The following NRP2 variants were observed in gnomAD, a reference collection of about 807,000 sequenced individuals.
NRP2 encodes the protein neuropilin 2.
A neutral mutation model predicts 110.4 loss-of-function variants in NRP2; 52 were observed. The observed-to-expected ratio is 0.47, with a 90% CI of 0.38 to 0.59. NRP2 has a LOEUF of 0.59. Ranked by LOEUF, NRP2 falls within the 20% of genes least tolerant of loss-of-function variation. The pLI, the probability that NRP2 is intolerant of heterozygous loss-of-function variation, is 0.00. For missense variants in NRP2, 1,049 were observed against 1,203.0 expected (o/e 0.87, Z 1.89); for synonymous variants, 508 against 468.9 (o/e 1.08, Z -1.08).
intron 12 of NRP2, among the ~76,000 whole-genome samples, chr2:205,753,656 T>C (rs1009064572): frequency 2.0e-5 from 3 of 152,254 alleles, no homozygotes; most frequent in Non-Finnish European, 4.4e-5. Flanking sequence ...TTGTCTGCTA[T>C]CTCTGCTGTT....
At chr2:205,708,129 A>G (rs1397625619) in intron 2 of NRP2, among the ~76,000 whole-genome samples, 2 of 152,236 alleles carry the variant, frequency 1.3e-5, no homozygotes, top group African/African-American at 2.4e-5. Flanking sequence ...CTCTGGTATC[A>G]TTCCAGAATG....
At chr2:205,775,204 C>T (rs1177600700) in intron 15 of NRP2, among the ~76,000 whole-genome samples, 1 of 152,134 alleles carries the variant, frequency 6.6e-6, no homozygotes, top group African/African-American at 2.4e-5. Context: ...AGCTCAAAAG[C>T]TCCTAGTCCC....
At position 205,697,612 on chromosome 2, in the gene NRP2, G is replaced by C. The variant is rs781131483; in HGVS notation, c.142G>C (p.Asp48His). 1.9e-6 allele frequency: 3 copies of C among 1,613,754 alleles called. No homozygotes were observed. The highest frequency in any genetic ancestry group is 2.5e-6 in the Non-Finnish European group (3 of 1,179,972). The change falls in exon 2 of 17, where the codon GAC becomes CAC. Residue 48 changes from aspartate to histidine, a missense_variant. Physicochemically the swap from Asp to His is moderately conservative, Grantham distance 81 (BLOSUM62 -1). Coordinates refer to ENST00000357785, the MANE Select transcript of NRP2 (RefSeq NM_003872.3). ...GYITSPGYPQDYPSHQNCEWI... is the reference protein window; with the variant it reads ...GYITSPGYPQHYPSHQNCEWI... ...TATCACCTCTCCCGGTTACCCCCAG[G>C]ACTACCCCTCCCACCAGAACTGCGA...
chr2:205,752,723 T>A, intron 11 of NRP2, 112 bp from the exon 12 acceptor site: 1 of 1,161,588 alleles, frequency 8.6e-7, no homozygotes, highest in Non-Finnish European at 1.3e-6. Context: ...GGAAGCCACT[T>A]CTTTCTCTGC....
At chr2:205,732,839 C>T (rs1277386791) in intron 7 of NRP2, among the ~76,000 whole-genome samples, 17 of 152,236 alleles carry the variant, frequency 1.1e-4, no homozygotes, top group Non-Finnish European at 4.4e-5. Context: ...TGCAATTATG[C>T]TTCTACTTGA....
intron 2 of NRP2, among the ~76,000 whole-genome samples, chr2:205,711,183 C>A (rs891746572): frequency 2.0e-5 from 3 of 152,190 alleles, no homozygotes; most frequent in African/African-American, 7.2e-5. Context: ...GTCCCTTATT[C>A]ATTTACATTT....
chr2:205,710,375 T>TCCAG (rs2056772342), intron 2 of NRP2, among the ~76,000 whole-genome samples: 1 of 152,190 alleles, frequency 6.6e-6, no homozygotes. Context: ...GGATGGTAAT[T>TCCAG]GTAACAGGGC....
At chr2:205,760,723 G>A (rs577305658) in intron 12 of NRP2, 8 of 152,278 alleles carry the variant, frequency 5.3e-5, no homozygotes, top group African/African-American at 1.7e-4. Flanking sequence ...TCAGTAACAG[G>A]AAGGGTAAGT....
chr2:205,731,390 A>C (rs765751102), intron 7 of NRP2, among the ~76,000 whole-genome samples: 1 of 152,210 alleles, frequency 6.6e-6, no homozygotes, highest in Admixed American at 6.5e-5. Flanking sequence ...AATTATGTAC[A>C]TACATACCAA....
chr2:205,760,746 G>A (rs2057807985), intron 12 of NRP2: 1 of 152,160 alleles, frequency 6.6e-6, no homozygotes, highest in Admixed American at 6.5e-5. Flanking sequence ...AACAGACCCA[G>A]ATACAATCCA....
At chr2:205,745,981 C>T (rs113253852) in intron 10 of NRP2, 91 bp downstream of exon 10, 10 of 1,445,078 alleles carry the variant, frequency 6.9e-6, no homozygotes, top group African/African-American at 1.4e-5. Flanking sequence ...GTGGAGGGGG[C>T]AGCCATCCCA....
chr2:205,692,460 G>A (rs913315887), intron 1 of NRP2, among the ~76,000 whole-genome samples: 2 of 152,190 alleles, frequency 1.3e-5, no homozygotes, highest in African/African-American at 4.8e-5. Context: ...GCAAAATTTG[G>A]TTAAAACCCT....
chr2:205,690,695 G>A (rs1391516166), intron 1 of NRP2, among the ~76,000 whole-genome samples: 1 of 151,584 alleles, frequency 6.6e-6, no homozygotes, highest in Non-Finnish European at 1.5e-5. Flanking sequence ...CAGGAAAATC[G>A]CTTAAACTTG....
At chr2:205,755,972 G>C (rs575532488) in intron 12 of NRP2, among the ~76,000 whole-genome samples, 6 of 152,048 alleles carry the variant, frequency 3.9e-5, no homozygotes, top group African/African-American at 1.4e-4. Flanking sequence ...TACATTCCTC[G>C]GATATTTTCT....
At chr2:205,706,986 C>T (rs1221091341) in intron 2 of NRP2, among the ~76,000 whole-genome samples, 2 of 152,208 alleles carry the variant, frequency 1.3e-5, no homozygotes, top group Non-Finnish European at 2.9e-5. Context: ...AGGTCTGACT[C>T]ACACAGCTCC....
At chr2:205,753,002 A>G in intron 12 of NRP2, 27 bp downstream of exon 12, 1 of 1,612,320 alleles carries the variant, frequency 6.2e-7, no homozygotes, top group Non-Finnish European at 8.5e-7. Context: ...TGAAGATATG[A>G]AAGAGTTAAG....
intron 12 of NRP2, among the ~76,000 whole-genome samples, chr2:205,761,110 C>G (rs2057814077): frequency 6.6e-6 from 1 of 152,036 alleles, no homozygotes; most frequent in African/African-American, 2.4e-5. Flanking sequence ...TGGCTGTTGG[C>G]TTGGGAGGGT....
At chr2:205,728,391 G>T (rs1320297971) in intron 7 of NRP2, among the ~76,000 whole-genome samples, 1 of 152,120 alleles carries the variant, frequency 6.6e-6, no homozygotes, top group Non-Finnish European at 1.5e-5. Context: ...CCTTCCACAT[G>T]CTGGGTTAAC....
chr2:205,793,409 A>C (rs2058322500), intron 16 of NRP2, among the ~76,000 whole-genome samples: 1 of 152,206 alleles, frequency 6.6e-6, no homozygotes. Context: ...ATATTTCAAA[A>C]AATGATGCCC....
Sources: allele counts gnomAD v4.1 joint callset (sites outside exome capture counted in the v4.1 genomes callset), GRCh38; gene constraint gnomAD v4.1.1; transcripts MANE v1.5; gene names NCBI Gene and HGNC (gene_info 2026-07-23, HGNC 2026-07-21).